KCNH2: variants seen among roughly 807,000 people sequenced by gnomAD.
KCNH2 encodes the protein voltage-gated inwardly rectifying potassium channel KCNH2.
A neutral mutation model predicts 95.9 loss-of-function variants in KCNH2; 35 were observed. The observed-to-expected ratio is 0.37, with a 90% CI of 0.28 to 0.48. The LOEUF (loss-of-function observed/expected upper bound fraction) is 0.48, where lower values mean the gene tolerates loss of function less well. Ranked by LOEUF, KCNH2 falls within the 20% of genes least tolerant of loss-of-function variation. The pLI, the probability that KCNH2 is intolerant of heterozygous loss-of-function variation, is 0.99. For synonymous variants in KCNH2, 786 were observed against 754.7 expected, an observed-to-expected ratio of 1.04 and a Z score of -0.68; for missense variants, 1,274 against 1,702.9, an observed-to-expected ratio of 0.75 and a Z score of 4.43.
intron 5 of KCNH2, among the ~76,000 whole-genome samples, chr7:150,956,420 A>G (rs1463751560): frequency 6.6e-6 from 1 of 152,192 alleles, no homozygotes; most frequent in Non-Finnish European, 1.5e-5. Context: ...TGGAAGGGGC[A>G]GGAGGGAACA....
chr7:150,951,391 C>G, intron 7 of KCNH2, 57 bp downstream of exon 7: 2 of 1,606,472 alleles, frequency 1.2e-6, no homozygotes, highest in Non-Finnish European at 1.7e-6. Context: ...CAGTTTCCTC[C>G]AACTTGGGTT....
rs1450760991 is a variant in KCNH2 at position 150,945,531 on chromosome 7, G to C, written c.3331-17C>G. 6.4e-7 allele frequency: 1 copy of C among 1,556,056 alleles called. No individual in the cohort carries two copies. Among genetic ancestry groups the C allele is most frequent in the Admixed American group, 1.9e-5 (1 of 51,442 alleles). ...CTGGGAAACCTGCAATACACACAGA[G>C]CATGGGCAGGCGAAGAGGCCATGGA... On this transcript the variant is annotated splice_polypyrimidine_tract_variant and intron_variant, in intron 14 of 14. Transcript: ENST00000262186. The surrounding 1 kb of genome is among the most constrained non-coding windows in gnomAD (Gnocchi z 5.6).
rs892316674 is a variant in KCNH2, at chr7:150,946,010, C to T, written c.3331-496G>A. 2.0e-5 allele frequency among the ~76,000 whole-genome samples: 3 copies of T among 152,202 alleles called. No homozygotes were observed. Among genetic ancestry groups the T allele is most frequent in the Middle Eastern group, 3.4e-3 (1 of 294 alleles). On this transcript the variant is annotated intron_variant, in intron 14 of 14. Transcript: ENST00000262186. This position sits in a 1 kb window ranked among gnomAD's most constrained non-coding sequence, Gnocchi z 6.5. The stretch of plus-strand genomic sequence containing the variant: ...GCGGGAGGGGTTTGTGGGTACTGAG[C>T]GTCTGCTGGTGAGAGCTCTGCGGGG...
At chr7:150,959,479 C>T in intron 3 of KCNH2, 93 bp downstream of exon 3, 1 of 1,462,828 alleles carries the variant, frequency 6.8e-7, no homozygotes, top group Admixed American at 1.8e-5. Flanking sequence ...ATTACATCCT[C>T]CCTTCCTGCA....
At chr7:150,954,557 C>CCTGTTGT (rs1333888163) in intron 5 of KCNH2, among the ~76,000 whole-genome samples, 1 of 152,254 alleles carries the variant, frequency 6.6e-6, no homozygotes, top group Non-Finnish European at 1.5e-5. Flanking sequence ...GTCCCCCCAG[C>CCTGTTGT]CTGTTGTCCT....
rs2116971433 is a variant in KCNH2, at chr7:150,952,661, G to A, written c.1321C>T (p.Pro441Ser). 1 of 1,614,224 alleles carries A rather than the reference G, an allele frequency of 6.2e-7. No individual in the cohort carries two copies. Among genetic ancestry groups the A allele is most frequent in the African/African-American group, 1.3e-5 (1 of 75,066 alleles). The change falls in exon 6 of 15, where the codon CCT becomes TCT. Residue 441 changes from proline (P) to serine (S), a missense_variant. Pro to Ser is a moderately conservative substitution (Grantham distance 74, BLOSUM62 -1). Coordinates refer to ENST00000262186, the MANE Select transcript of KCNH2 (RefSeq NM_000238.4). The surrounding 1 kb of genome is among the most constrained non-coding windows in gnomAD (Gnocchi z 7.3). The part of the protein sequence containing the change: ...FLLKETEEGP[P>S]ATECGYACQP... The stretch of plus-strand genomic sequence containing the variant: ...CAGGCGTAGCCACACTCGGTAGCAG[G>A]CGGGCCTTCTTCCGTCTCCTTCAGC...
At chr7:150,957,568 G>T in intron 4 of KCNH2, 66 bp from the exon 5 acceptor site, 3 of 1,201,404 alleles carry the variant, frequency 2.5e-6, no homozygotes, top group Non-Finnish European at 3.7e-6. Flanking sequence ...GCCACCCATA[G>T]ATCGAGAGTG....
At position 150,952,302 on chromosome 7, in the gene KCNH2, TTC is replaced by T; in HGVS notation, c.1557+121_1557+122del. ...CCACCATGTCTCTCTCCCACTGTCTTTCTCTCTTTCTCTCTCTCTCTCTTTTT... is the reference window on the plus strand; with the variant it reads ...CCACCATGTCTCTCTCCCACTGTCTTTCTCTTTCTCTCTCTCTCTCTTTTT... On this transcript the variant is annotated intron_variant, in intron 6 of 14. Coordinates refer to ENST00000262186, the MANE Select transcript of KCNH2 (RefSeq NM_000238.4). This position sits in a 1 kb window ranked among gnomAD's most constrained non-coding sequence, Gnocchi z 7.3. 9.1e-7 allele frequency: 1 copy of T among 1,096,842 alleles called. No individual in the cohort carries two copies. The highest frequency in any genetic ancestry group is 1.3e-6 in the Non-Finnish European group (1 of 746,898). 67.9% of individuals were successfully genotyped at this position (1,096,842 alleles called of 1,614,324 possible). A position where few individuals can be genotyped will look rare whatever the true frequency, so the allele number is the denominator to read the frequency against.
At chr7:150,955,375 G>T in intron 5 of KCNH2, 1 of 1,550,818 alleles carries the variant, frequency 6.4e-7, no homozygotes, top group Non-Finnish European at 8.7e-7. Flanking sequence ...GAAAGAAGAG[G>T]AAGGACCGGG....
intron 2 of KCNH2, among the ~76,000 whole-genome samples, chr7:150,968,942 T>C (rs1042808659): frequency 6.6e-6 from 1 of 152,202 alleles, no homozygotes; most frequent in South Asian, 2.1e-4. Context: ...CACGCTGCTT[T>C]GTGGGTGTCT....
chr7:150,977,124 C>T (rs1801998384), intron 1 of KCNH2, among the ~76,000 whole-genome samples: 1 of 152,052 alleles, frequency 6.6e-6, no homozygotes. Context: ...GCTGTACTCC[C>T]GGTCCCCATA....
chr7:150,977,800 C>CCCA, intron 1 of KCNH2, 38 bp downstream of exon 1: 3 of 1,082,542 alleles, frequency 2.8e-6, no homozygotes, highest in African/African-American at 1.6e-5. Context: ...GGCCCGCCCC[C>CCCA]AGAGCCCCCT....
In KCNH2 at chr7:150,947,616, G is replaced by A. The variant is rs1584844286; in HGVS notation, c.2955C>T (p.Asn985=). The A allele has an allele frequency of 2.5e-6, 4 of 1,612,824 alleles. No homozygotes were observed. Among genetic ancestry groups the A allele is most frequent in the Non-Finnish European group, 1.7e-6 (2 of 1,179,574 alleles). The part of the protein sequence containing the change: ...EDCEKSSDTC[N]PLSGAFSGVS... ...CGTCGCCCGGGATACCTGACAGGGG[G>A]TTGCAAGTGTCGCTGCTCTTCTCGC... The change falls in exon 12 of 15, where the codon AAC becomes AAT. Residue 985 remains asparagine (N), a synonymous_variant. Coordinates refer to ENST00000262186, the MANE Select transcript of KCNH2 (RefSeq NM_000238.4).
rs764153216 is a variant in KCNH2, at chr7:150,961,690, G to A, written c.308-1954C>T. On this transcript the variant is annotated intron_variant, in intron 2 of 14. Transcript: ENST00000262186. This position sits in a 1 kb window ranked among gnomAD's most constrained non-coding sequence, Gnocchi z 6.2. ...GCAGGGGCGACAGTGGTGGTGCTGTGAGTCAAGGTAGAAGCCGGCAACAGA... is the reference window on the plus strand; with the variant it reads ...GCAGGGGCGACAGTGGTGGTGCTGTAAGTCAAGGTAGAAGCCGGCAACAGA... Among the ~76,000 whole-genome samples, 6 of 152,156 alleles carry A rather than the reference G, an allele frequency of 3.9e-5. No individual in the cohort carries two copies. Among genetic ancestry groups the A allele is most frequent in the Non-Finnish European group, 8.8e-5 (6 of 68,024 alleles).
chr7:150,968,874 G>T (rs1271108396), intron 2 of KCNH2, among the ~76,000 whole-genome samples: 1 of 152,188 alleles, frequency 6.6e-6, no homozygotes, highest in Admixed American at 6.5e-5. Flanking sequence ...CGGGCTAGGA[G>T]CTGCAGCCAC....
intron 2 of KCNH2, among the ~76,000 whole-genome samples, chr7:150,964,495 T>G (rs903226247): frequency 1.3e-5 from 2 of 152,184 alleles, no homozygotes; most frequent in Non-Finnish European, 2.9e-5. Context: ...CCCTCTATTT[T>G]CTGTGGCTAT....
Position 150,974,943 on chromosome 7 carries a change from T to A in KCNH2, c.77-2A>T. Reference sequence around the variant, plus strand: ...CGTTGGCGATGATGAACTTACGGCCTAGGGGGGCGGGGAGGAGAGTGCGCG... The same window carrying A: ...CGTTGGCGATGATGAACTTACGGCCAAGGGGGGCGGGGAGGAGAGTGCGCG... On this transcript the variant is annotated splice_acceptor_variant, in intron 1 of 14. Coordinates refer to ENST00000262186, the MANE Select transcript of KCNH2 (RefSeq NM_000238.4). LOFTEE classifies it high-confidence loss of function. The A allele has an allele frequency of 6.3e-7, 1 of 1,592,024 alleles. No individual in the cohort carries two copies. Among genetic ancestry groups the A allele is most frequent in the Non-Finnish European group, 8.5e-7 (1 of 1,170,504 alleles).
chr7:150,963,333 G>A (rs922015046), intron 2 of KCNH2, among the ~76,000 whole-genome samples: 8 of 152,146 alleles, frequency 5.3e-5, no homozygotes, highest in Admixed American at 1.3e-4. Flanking sequence ...ACTTTGGGCC[G>A]GTCACTTACC....
chr7:150,957,190 A>T, intron 5 of KCNH2, 101 bp downstream of exon 5: 1 of 995,046 alleles, frequency 1.0e-6, no homozygotes, highest in Non-Finnish European at 1.6e-6. Flanking sequence ...AGAGGCCCTC[A>T]CTGGCTAGCC....
Sources: gnomAD v4.1 joint callset for allele counts (sites outside exome capture counted in the v4.1 genomes callset) on GRCh38, gnomAD v4.1.1 for gene constraint, Gnocchi (gnomAD v3.1) non-coding constraint, MANE v1.5 for transcripts, NCBI Gene and HGNC (gene_info 2026-07-23, HGNC 2026-07-21) for gene names.